Variants in JAM3 observed in about 807,000 individuals in gnomAD.
JAM3 encodes junctional adhesion molecule C.
In JAM3, 31 loss-of-function variants were observed where a neutral mutation model predicts 39.4. That is an observed-to-expected ratio of 0.79 (90% confidence interval 0.59 to 1.06). The LOEUF is 1.06. JAM3 is among the 50% of genes least tolerant of loss of function. The probability of loss-of-function intolerance (pLI) is 0.00; values close to 1 mark genes in which losing one functional copy is unlikely to be tolerated. For synonymous variants in JAM3, 182 were observed against 148.7 expected (o/e 1.22, Z -1.63); for missense variants, 455 against 391.4 (o/e 1.16, Z -1.37).
intron 3 of JAM3, 75 bp from the exon 4 acceptor site, chr11:134,144,166 C>T (rs1244685807): frequency 2.0e-6 from 3 of 1,489,400 alleles, no homozygotes; most frequent in African/African-American, 1.4e-5. Context: ...CTAGTGCTAG[C>T]CCCAGAAACC....
intron 1 of JAM3, among the ~76,000 whole-genome samples, chr11:134,102,231 C>T (rs1030327018): frequency 2.6e-5 from 4 of 152,176 alleles, no homozygotes; most frequent in African/African-American, 9.7e-5. Flanking sequence ...GCAGCCTCCG[C>T]TGCTGATAAC....
chr11:134,078,871 T>G (rs1426580685), intron 1 of JAM3, among the ~76,000 whole-genome samples: 1 of 152,110 alleles, frequency 6.6e-6, no homozygotes, highest in Non-Finnish European at 1.5e-5. Context: ...AAACCCTGTC[T>G]CTACTAAAAA....
chr11:134,073,682 C>G (rs1274652952), intron 1 of JAM3, among the ~76,000 whole-genome samples: 3 of 152,126 alleles, frequency 2.0e-5, no homozygotes, highest in African/African-American at 7.2e-5. Context: ...GTAATTGACT[C>G]CGATTTACAT....
chr11:134,107,625 C>G (rs1384122892), intron 1 of JAM3, among the ~76,000 whole-genome samples: 2 of 152,086 alleles, frequency 1.3e-5, no homozygotes, highest in Non-Finnish European at 2.9e-5. Context: ...GAAGAAAGGT[C>G]TGAAATCAGT....
intron 1 of JAM3, among the ~76,000 whole-genome samples, chr11:134,128,907 A>C (rs916731343): frequency 6.6e-6 from 1 of 152,070 alleles, no homozygotes; most frequent in Admixed American, 6.5e-5. Context: ...GTATTAGTTT[A>C]CTAGGAGTTG....
At chr11:134,140,853 C>T (rs1337142362) in intron 3 of JAM3, 83 bp downstream of exon 3, 1 of 1,527,868 alleles carries the variant, frequency 6.5e-7, no homozygotes, top group Non-Finnish European at 8.8e-7. Flanking sequence ...AAACTTACCT[C>T]AGACTGGTAA....
In JAM3 at chr11:134,138,365, CACT is replaced by C. The variant is rs1227393542; in HGVS notation, c.77-1484_77-1482del. On this transcript the variant is annotated intron_variant, in intron 1 of 8. Transcript: ENST00000299106. ...TCATGCTGAGAGAAATGTTTATGGC[CACT>C]AGTCCCTTAGAGCCAGTGGTGGTGT... 1.2e-3 allele frequency among the ~76,000 whole-genome samples: 169 copies of C among 144,828 alleles called. 9 individuals are homozygous for C. The highest frequency in any genetic ancestry group is 4.2e-3 in the African/African-American group (155 of 37,232).
intron 1 of JAM3, among the ~76,000 whole-genome samples, chr11:134,097,834 T>A (rs145107954): frequency 1.3e-4 from 20 of 151,572 alleles, no homozygotes; most frequent in Admixed American, 3.3e-4. Flanking sequence ...AAATTTAAAG[T>A]CTATTCTTAA....
intron 1 of JAM3, among the ~76,000 whole-genome samples, chr11:134,107,636 G>C (rs1942221149): frequency 6.6e-6 from 1 of 152,126 alleles, no homozygotes. Flanking sequence ...TGAAATCAGT[G>C]AGTTCATCTA....
At chr11:134,084,110 A>G (rs1476668991) in intron 1 of JAM3, among the ~76,000 whole-genome samples, 1 of 152,082 alleles carries the variant, frequency 6.6e-6, no homozygotes, top group African/African-American at 2.4e-5. Context: ...TTATTCTGTC[A>G]CTGTATTCTG....
At chr11:134,124,338 G>A (rs1565497299) in intron 1 of JAM3, 3 of 748,542 alleles carry the variant, frequency 4.0e-6, no homozygotes, top group East Asian at 4.9e-5. Flanking sequence ...TATGGCAAAT[G>A]AAAAATGTGA....
chr11:134,126,411 C>G (rs905477178), intron 1 of JAM3: 4 of 152,298 alleles, frequency 2.6e-5, no homozygotes, highest in Admixed American at 6.5e-5. Context: ...GCTGCAGTGC[C>G]TTGCAGATTT....
chr11:134,095,489 G>C (rs1301448890), intron 1 of JAM3, among the ~76,000 whole-genome samples: 1 of 152,024 alleles, frequency 6.6e-6, no homozygotes. Context: ...AAATTAACTG[G>C]TTGTGGTGGC....
At chr11:134,086,446 A>G (rs1383028928) in intron 1 of JAM3, among the ~76,000 whole-genome samples, 1 of 152,046 alleles carries the variant, frequency 6.6e-6, no homozygotes, top group Non-Finnish European at 1.5e-5. Context: ...TTTAAGTTTC[A>G]TGAGTAAAGA....
At chr11:134,091,053 T>C (rs111602225) in intron 1 of JAM3, among the ~76,000 whole-genome samples, 7 of 152,158 alleles carry the variant, frequency 4.6e-5, no homozygotes, top group East Asian at 1.9e-4. Context: ...ATTCTTTTCA[T>C]TGGGCATCAA....
At chr11:134,128,433 C>T (rs1942696369) in intron 1 of JAM3, among the ~76,000 whole-genome samples, 1 of 152,210 alleles carries the variant, frequency 6.6e-6, no homozygotes, top group African/African-American at 2.4e-5. Flanking sequence ...GGTATAAAGT[C>T]AGATGATATG....
At chr11:134,097,336 A>C (rs572044102) in intron 1 of JAM3, among the ~76,000 whole-genome samples, 1 of 152,184 alleles carries the variant, frequency 6.6e-6, no homozygotes, top group Non-Finnish European at 1.5e-5. Context: ...GCTGTTCTGC[A>C]TTTCAGGGCG....
intron 1 of JAM3, among the ~76,000 whole-genome samples, chr11:134,070,891 G>A (rs985482874): frequency 1.2e-4 from 18 of 152,168 alleles, no homozygotes; most frequent in African/African-American, 3.9e-4. Flanking sequence ...CATGCAGAGC[G>A]TAGGAGGAAG....
intron 6 of JAM3, 54 bp downstream of exon 6, chr11:134,146,099 A>G (rs1368161773): frequency 8.4e-6 from 10 of 1,197,238 alleles, no homozygotes; most frequent in Admixed American, 3.4e-5. Context: ...TGAATAGAAC[A>G]TTTTAATTTA....
Sources: allele counts gnomAD v4.1 joint callset (sites outside exome capture counted in the v4.1 genomes callset), GRCh38; gene constraint gnomAD v4.1.1; transcripts MANE v1.5; gene names NCBI Gene and HGNC (gene_info 2026-07-23, HGNC 2026-07-21).